Variants in NSMF observed in about 807,000 individuals in gnomAD.
NSMF encodes nasal embryonic LHRH factor.
Under a neutral mutation model 71.0 loss-of-function variants are expected in NSMF, and 31 were observed. The observed-to-expected ratio is 0.44, with a 90% CI of 0.33 to 0.59. The LOEUF (loss-of-function observed/expected upper bound fraction) is 0.59. Ranked by LOEUF, NSMF falls within the 20% of genes least tolerant of loss-of-function variation. The pLI, the probability that NSMF is intolerant of heterozygous loss-of-function variation, is 0.04. For synonymous variants in NSMF, 345 were observed against 287.1 expected (o/e 1.20, Z -2.04); for missense variants, 673 against 740.5 (o/e 0.91, Z 1.06).
chr9:137,448,358 G>T lies in NSMF; in HGVS notation c.*1036C>A, dbSNP rs543862282. 1 of 152,428 alleles carries T rather than the reference G, an allele frequency of 6.6e-6. No individual in the cohort carries two copies. Among genetic ancestry groups the T allele is most frequent in the African/African-American group, 2.4e-5 (1 of 41,458 alleles). 9.4% of individuals were successfully genotyped at this position (152,428 alleles called of 1,614,324 possible). On this transcript the variant is annotated 3_prime_UTR_variant, in exon 16 of 16. Coordinates refer to ENST00000371475, the MANE Select transcript of NSMF (RefSeq NM_001130969.3). This position sits in a 1 kb window ranked among gnomAD's most constrained non-coding sequence, Gnocchi z 5.3. ...AGACCCCTGGCTCTGCACAAGGGGGGCCTGCCCCCTCGCCCCAGCTATATA... is the reference window on the plus strand; with the variant it reads ...AGACCCCTGGCTCTGCACAAGGGGGTCCTGCCCCCTCGCCCCAGCTATATA...
intron 4 of NSMF, among the ~76,000 whole-genome samples, chr9:137,456,021 G>A (rs1232457958): frequency 6.6e-6 from 1 of 152,260 alleles, no homozygotes; most frequent in Non-Finnish European, 1.5e-5. Context: ...AGGTCCCTGC[G>A]GGGACCCTGA....
At chr9:137,457,305 G>A (rs2132013161) in intron 3 of NSMF, 102 bp downstream of exon 3, 2 of 1,512,186 alleles carry the variant, frequency 1.3e-6, no homozygotes, top group South Asian at 1.1e-5. Context: ...TGTGACCTGA[G>A]CACCTGTTCT....
At chr9:137,449,774 C>T (rs1051192204) in intron 14 of NSMF, 100 bp from the exon 15 acceptor site, 2 of 1,330,140 alleles carry the variant, frequency 1.5e-6, no homozygotes, top group Admixed American at 1.9e-5. Flanking sequence ...TTCAGACCCC[C>T]CAAACCTGGC....
chr9:137,455,388 G>A (rs1588506083), intron 5 of NSMF, 81 bp from the exon 6 acceptor site: 1 of 1,480,806 alleles, frequency 6.8e-7, no homozygotes, highest in East Asian at 2.3e-5. Flanking sequence ...TGCGAGCAGA[G>A]GGCCCAGCAG....
At position 137,449,590 on chromosome 9, in the gene NSMF, G is replaced by T. The variant is rs752691037; in HGVS notation, c.1495+9C>A. On this transcript the variant is annotated intron_variant, in intron 15 of 15. Transcript: ENST00000371475. ...GCTGCAGAGCTTCGGCCCAGCCTGG[G>T]TAACTCACCTTGGGCTGAGAGCTCC... 3 of 1,612,162 alleles carry T rather than the reference G, an allele frequency of 1.9e-6. No homozygotes were observed. The South Asian group carries it at 3.3e-5, about 18-fold the overall frequency.
chr9:137,454,360 GC>G (rs1333829028), intron 7 of NSMF, 30 bp downstream of exon 7: 4 of 1,544,340 alleles, frequency 2.6e-6, no homozygotes, highest in South Asian at 2.4e-5. Flanking sequence ...GCGCAACGCC[GC>G]CCCCCCACCC....
At chr9:137,456,554 G>A in intron 3 of NSMF, 68 bp from the exon 4 acceptor site, 2 of 1,126,280 alleles carry the variant, frequency 1.8e-6, no homozygotes, top group Admixed American at 3.4e-5. Context: ...CCTCCCTGTT[G>A]GGAAGCAGAT....
Position 137,452,438 on chromosome 9 carries a change from G to A in NSMF, c.1166-3C>T. ...GTTCAGCTTCCTCTCTATCTCCTCT[G>A]TGGGAGAGCGGGTGTGAGTGCTGCG... On this transcript the variant is annotated splice_polypyrimidine_tract_variant and splice_region_variant and intron_variant, in intron 11 of 15. Transcript: ENST00000371475. The A allele has an allele frequency of 6.2e-7, 1 of 1,612,444 alleles. No individual in the cohort carries two copies. Among genetic ancestry groups the A allele is most frequent in the Non-Finnish European group, 8.5e-7 (1 of 1,179,828 alleles).
In NSMF at chr9:137,453,532, G is replaced by A. The variant is rs1830656912; in HGVS notation, c.922+199C>T. 2 of 609,590 alleles carry A rather than the reference G, an allele frequency of 3.3e-6. No homozygotes were observed. Among genetic ancestry groups the A allele is most frequent in the South Asian group, 4.0e-5 (2 of 50,076 alleles). 37.8% of individuals were successfully genotyped at this position (609,590 alleles called of 1,614,324 possible). On this transcript the variant is annotated intron_variant, in intron 8 of 15. Coordinates refer to ENST00000371475, the MANE Select transcript of NSMF (RefSeq NM_001130969.3). The surrounding 1 kb of genome is among the most constrained non-coding windows in gnomAD (Gnocchi z 4.5). Reference sequence around the variant, plus strand: ...TGGGCACGGCCCTACAGGCGCCCCCGGCCAGCACTGCCGCGGCCGTTGTTA... The same window carrying A: ...TGGGCACGGCCCTACAGGCGCCCCCAGCCAGCACTGCCGCGGCCGTTGTTA...
At chr9:137,454,256 T>A (rs1830715952) in intron 7 of NSMF, 135 bp downstream of exon 7, 1 of 847,084 alleles carries the variant, frequency 1.2e-6, no homozygotes, top group Non-Finnish European at 1.9e-6. Context: ...GGGAAGTGGC[T>A]GGAAGGGGAG....
chr9:137,456,442 T>C lies in NSMF; in HGVS notation c.673A>G (p.Ser225Gly). ...ATAGTTGTGGTTGCTGTCTGGAAGC[T>C]GAAAAGATTTTCCTTGGGGAACCAG... ...RTWFPKENLFSFQTATTTMQA... is the reference protein window; with the variant it reads ...RTWFPKENLFGFQTATTTMQA... Residue 225 changes from serine to glycine, a missense_variant, in exon 4 of 16, where the codon AGC becomes GGC. By Grantham distance (56) the Ser-to-Gly change is moderately conservative (BLOSUM62 0). Transcript: ENST00000371475. 1 of 1,613,382 alleles carries C rather than the reference T, an allele frequency of 6.2e-7. No homozygotes were observed. Among genetic ancestry groups the C allele is most frequent in the Admixed American group, 1.7e-5 (1 of 60,026 alleles).
At chr9:137,454,621 C>T (rs561925661) in intron 6 of NSMF, 178 bp from the exon 7 acceptor site, 2 of 1,539,892 alleles carry the variant, frequency 1.3e-6, no homozygotes, top group Non-Finnish European at 1.7e-6. Context: ...GTGCTCTTCC[C>T]GCGACAGCCT....
chr9:137,453,130 G>A lies in NSMF; in HGVS notation c.973C>T (p.Leu325=). The change falls in exon 9 of 16, where the codon CTG becomes TTG. Residue 325 remains leucine, a synonymous_variant. Transcript: ENST00000371475. The surrounding 1 kb of genome is among the most constrained non-coding windows in gnomAD (Gnocchi z 4.5). ...HCTLDEAFED[L]DWDTEKGLEA... The stretch of plus-strand genomic sequence containing the variant: ...AGGCCCTTCTCAGTGTCCCAGTCCA[G>A]GTCCTCGAAGGCCTCGTCCAGCGTG... The A allele has an allele frequency of 6.2e-7, 1 of 1,612,658 alleles. No individual in the cohort carries two copies. The highest frequency in any genetic ancestry group is 8.5e-7 in the Non-Finnish European group (1 of 1,179,906).
In NSMF at chr9:137,453,850, C is replaced by A. The variant is rs373962369; in HGVS notation, c.833-30G>T. The A allele has an allele frequency of 6.5e-7, 1 of 1,545,318 alleles. No individual in the cohort carries two copies. The highest frequency in any genetic ancestry group is 2.4e-5 in the East Asian group (1 of 42,376). Reference sequence around the variant, plus strand: ...AGAGAGCAAAACCCGCATTAGCGAGCGGGTGGGGCGGGGCCTCGGGAGTCT... The same window carrying A: ...AGAGAGCAAAACCCGCATTAGCGAGAGGGTGGGGCGGGGCCTCGGGAGTCT... On this transcript the variant is annotated intron_variant, in intron 7 of 15. Coordinates refer to ENST00000371475, the MANE Select transcript of NSMF (RefSeq NM_001130969.3). This position sits in a 1 kb window ranked among gnomAD's most constrained non-coding sequence, Gnocchi z 4.5.
At chr9:137,455,892 G>A (rs1005573636) in intron 4 of NSMF, among the ~76,000 whole-genome samples, 1 of 152,348 alleles carries the variant, frequency 6.6e-6, no homozygotes, top group African/African-American at 2.4e-5. Flanking sequence ...GGCTGGGTGT[G>A]GGGTGGACTC....
chr9:137,453,739 G>T lies in NSMF; in HGVS notation c.914C>A (p.Ser305Tyr). Reference protein sequence around the residue: ...TPMKADTSHDSRDSSDLQSSH... With the variant: ...TPMKADTSHDYRDSSDLQSSH... ...CTGTGCGGGGCACCTACTGTCTCGG[G>T]AGTCGTGGGAAGTGTCGGCTTTCAT... Residue 305 changes from serine to tyrosine, a missense_variant, in exon 8 of 16, where the codon TCC becomes TAC. Ser to Tyr is a moderately radical substitution (Grantham distance 144, BLOSUM62 -2). This residue lies in a region of NSMF where 471 missense variants were observed against 459.6 expected (regional missense o/e 1.02). Transcript: ENST00000371475. This position sits in a 1 kb window ranked among gnomAD's most constrained non-coding sequence, Gnocchi z 4.5. The T allele has an allele frequency of 6.2e-7, 1 of 1,601,728 alleles. No individual in the cohort carries two copies. The highest frequency in any genetic ancestry group is 8.5e-7 in the Non-Finnish European group (1 of 1,178,014).
At chr9:137,458,360 G>A in intron 2 of NSMF, 128 bp downstream of exon 2, 1 of 855,048 alleles carries the variant, frequency 1.2e-6, no homozygotes, top group South Asian at 1.5e-5. Flanking sequence ...ATGTAAGGAA[G>A]CCAGGCCGGC....
chr9:137,455,655 G>T, intron 4 of NSMF, 21 bp from the exon 5 acceptor site: 3 of 1,550,372 alleles, frequency 1.9e-6, no homozygotes, highest in Non-Finnish European at 2.6e-6. Context: ...GGCCAGAAGG[G>T]ATGGCGTGAG....
At chr9:137,456,226 C>A in intron 4 of NSMF, 185 bp downstream of exon 4, 1 of 698,474 alleles carries the variant, frequency 1.4e-6, no homozygotes, top group Non-Finnish European at 2.6e-6. Context: ...GGGCTGGGCA[C>A]CAGCCATGGG....
Sources: allele counts gnomAD v4.1 joint callset (sites outside exome capture counted in the v4.1 genomes callset), GRCh38; gene constraint gnomAD v4.1.1; regional missense constraint gnomAD v4.1.1; non-coding constraint Gnocchi (gnomAD v3.1); transcripts MANE v1.5; gene names NCBI Gene and HGNC (gene_info 2026-07-23, HGNC 2026-07-21).